Variants in MACC1 observed in about 807,000 individuals in gnomAD.
MACC1 encodes the protein metastasis-associated in colon cancer protein 1.
A neutral mutation model predicts 70.7 loss-of-function variants in MACC1; 79 were observed. The observed-to-expected ratio is 1.12, with a 90% CI of 0.93 to 1.35. MACC1 has a LOEUF of 1.35. MACC1 is among the 40% of genes most tolerant of loss of function. MACC1 has a pLI of 0.00. For synonymous variants in MACC1, 361 were observed against 347.2 expected (o/e 1.04, Z -0.44); for missense variants, 1,106 against 978.1 (o/e 1.13, Z -1.74).
Position 20,159,331 on chromosome 7 carries a change from T to A in MACC1, c.1030A>T (p.Met344Leu). 2.5e-6 allele frequency: 4 copies of A among 1,614,080 alleles called. No homozygotes were observed. Among genetic ancestry groups the A allele is most frequent in the Non-Finnish European group, 3.4e-6 (4 of 1,180,008 alleles). The change falls in exon 5 of 7, where the codon ATG (methionine) becomes TTG (leucine). Residue 344 changes from methionine to leucine, a missense_variant. Coordinates refer to ENST00000400331, the MANE Select transcript of MACC1 (RefSeq NM_182762.4). ...QVKLIDLSQV[M>L]YLVVAAQAKA... ...GCTTGTGCAGCAACCACTAGATACA[T>A]TACCTGACTCAAGTCGATTAGCTTG...
At chr7:20,209,264 G>T (rs1782960875) in intron 1 of MACC1, among the ~76,000 whole-genome samples, 1 of 152,194 alleles carries the variant, frequency 6.6e-6, no homozygotes, top group South Asian at 2.1e-4. Flanking sequence ...CTGACATTTT[G>T]TACCATATGC....
Position 20,137,857 on chromosome 7 carries a change from A to C in MACC1, c.*3089T>G, listed in dbSNP as rs1292362568. ...AACAGAATGTTTGGACATGGGCTTAAAATTCCTCTGGAAGGCTGGGAGCAG... is the reference window on the plus strand; with the variant it reads ...AACAGAATGTTTGGACATGGGCTTACAATTCCTCTGGAAGGCTGGGAGCAG... On this transcript the variant is annotated 3_prime_UTR_variant, in exon 7 of 7. Transcript: ENST00000400331. 1 of 152,162 alleles carries C rather than the reference A, an allele frequency of 6.6e-6. No individual in the cohort carries two copies. The highest frequency in any genetic ancestry group is 2.4e-5 in the African/African-American group (1 of 41,446). The allele number at this position is 152,162 out of a possible 1,614,324, so 9.4% of individuals were successfully genotyped here.
At chr7:20,178,868 G>C (rs1782455663) in intron 1 of MACC1, among the ~76,000 whole-genome samples, 4 of 152,222 alleles carry the variant, frequency 2.6e-5, no homozygotes, top group Non-Finnish European at 4.4e-5. Context: ...CCAAAGTGTT[G>C]GGATTACAGA....
intron 1 of MACC1, among the ~76,000 whole-genome samples, chr7:20,206,030 T>A (rs1227279858): frequency 6.6e-6 from 1 of 152,008 alleles, no homozygotes; most frequent in African/African-American, 2.4e-5. Context: ...TTGTTTCAGA[T>A]GAAAATATTA....
In MACC1 at chr7:20,139,980, C is replaced by T. The variant is rs549063151; in HGVS notation, c.*966G>A. 5 of 151,970 alleles carry T rather than the reference C, an allele frequency of 3.3e-5. No homozygotes were observed. Among genetic ancestry groups the T allele is most frequent in the Admixed American group, 6.5e-5 (1 of 15,270 alleles). The allele number at this position is 151,970 out of a possible 1,614,324, so 9.4% of individuals were successfully genotyped here. On this transcript the variant is annotated 3_prime_UTR_variant, in exon 7 of 7. Transcript: ENST00000400331. ...CTGGTGGTGGTGGTTTTTAATAACTCGTATTATTAAAAATCTCCAAGAGCT... is the reference window on the plus strand; with the variant it reads ...CTGGTGGTGGTGGTTTTTAATAACTTGTATTATTAAAAATCTCCAAGAGCT...
At chr7:20,211,740 G>A (rs775156584) in intron 1 of MACC1, among the ~76,000 whole-genome samples, 20 of 152,254 alleles carry the variant, frequency 1.3e-4, no homozygotes, top group Admixed American at 7.8e-4. Context: ...ACATGCCCAC[G>A]GTTCAGCAAA....
intron 6 of MACC1, chr7:20,141,928 T>TAC (rs61204565): frequency 0.1 from 15,156 of 145,682 alleles, 928 homozygotes; most frequent in Middle Eastern, 0.19. Context: ...AATTGTAGAA[T>TAC]ACACACACAC....
rs1163672621 is a variant in MACC1, at chr7:20,135,957, C to T, written c.*4989G>A. On this transcript the variant is annotated 3_prime_UTR_variant, in exon 7 of 7. Coordinates refer to ENST00000400331, the MANE Select transcript of MACC1 (RefSeq NM_182762.4). Reference sequence around the variant, plus strand: ...TGTGTGCTAAATGTGCTATGCCTTACACATAGAGGACACAATTTTAATGTG... The same window carrying T: ...TGTGTGCTAAATGTGCTATGCCTTATACATAGAGGACACAATTTTAATGTG... 2 of 152,188 alleles carry T rather than the reference C, an allele frequency of 1.3e-5. No homozygotes were observed. Among genetic ancestry groups the T allele is most frequent in the Non-Finnish European group, 2.9e-5 (2 of 68,030 alleles). 9.4% of individuals were successfully genotyped at this position (152,188 alleles called of 1,614,324 possible). A position where few individuals can be genotyped will look rare whatever the true frequency, so the allele number is the denominator to read the frequency against.
intron 1 of MACC1, among the ~76,000 whole-genome samples, chr7:20,208,563 G>A (rs3114474): frequency 0.48 from 72,735 of 151,934 alleles, 18,041 homozygotes; most frequent in East Asian, 0.87. Context: ...ATAATTTAGG[G>A]TATCTAGCAG....
intron 6 of MACC1, among the ~76,000 whole-genome samples, chr7:20,152,964 A>G (rs1433515959): frequency 6.6e-6 from 1 of 152,194 alleles, no homozygotes; most frequent in East Asian, 1.9e-4. Flanking sequence ...TTTCCTTCTT[A>G]AAGGCTTCCT....
In MACC1 at chr7:20,187,536, C is replaced by T. The variant is rs6951926; in HGVS notation, c.-217-16758G>A. 6.7e-3 allele frequency among the ~76,000 whole-genome samples: 1,025 copies of T among 152,270 alleles called. 10 individuals are homozygous for T. Among genetic ancestry groups the T allele is most frequent in the African/African-American group, 0.023 (976 of 41,540 alleles). The stretch of plus-strand genomic sequence containing the variant: ...CTCCAAGGACAGTCAGAGTGACCTT[C>T]GTGCATGCCCCTTTACTCCCTAAAC... On this transcript the variant is annotated intron_variant, in intron 1 of 6. Coordinates refer to ENST00000400331, the MANE Select transcript of MACC1 (RefSeq NM_182762.4).
At position 20,173,942 on chromosome 7, in the gene MACC1, G is replaced by A. The variant is rs139876463; in HGVS notation, c.-217-3164C>T. Among the ~76,000 whole-genome samples, 192 of 152,220 alleles carry A rather than the reference G, an allele frequency of 1.3e-3. 1 individual carries two copies. Among genetic ancestry groups the A allele is most frequent in the Non-Finnish European group, 2.3e-3 (155 of 68,012 alleles). On this transcript the variant is annotated intron_variant, in intron 1 of 6. Coordinates refer to ENST00000400331, the MANE Select transcript of MACC1 (RefSeq NM_182762.4). ...TAACGTGGACAACTGCTTCCTTTGG[G>A]TATATAGATTCAGATTTGATTCATA...
chr7:20,176,697 G>A (rs944048610), intron 1 of MACC1, among the ~76,000 whole-genome samples: 1 of 152,076 alleles, frequency 6.6e-6, no homozygotes, highest in Non-Finnish European at 1.5e-5. Flanking sequence ...GTGAGTAAAT[G>A]ATTTAAAGAA....
chr7:20,187,849 A>G (rs2128106675), intron 1 of MACC1, among the ~76,000 whole-genome samples: 1 of 152,220 alleles, frequency 6.6e-6, no homozygotes, highest in South Asian at 2.1e-4. Flanking sequence ...CTTGCTTCAT[A>G]TTTTAGTTAA....
At chr7:20,181,617 A>T (rs1349695432) in intron 1 of MACC1, among the ~76,000 whole-genome samples, 2 of 152,178 alleles carry the variant, frequency 1.3e-5, no homozygotes, top group African/African-American at 4.8e-5. Flanking sequence ...ACCTAGAAAT[A>T]GATGAAAATT....
intron 2 of MACC1, among the ~76,000 whole-genome samples, chr7:20,166,474 G>C (rs1297943845): frequency 1.3e-5 from 2 of 152,156 alleles, no homozygotes; most frequent in African/African-American, 2.4e-5. Context: ...ACTTCTGATG[G>C]AATAGTGGCA....
At chr7:20,157,766 CAAAAAAAAAAAAA>C (rs370288319) in intron 5 of MACC1, among the ~76,000 whole-genome samples, 7 of 53,916 alleles carry the variant, frequency 1.3e-4, no homozygotes, top group Admixed American at 7.9e-4. Flanking sequence ...GACTTTGTCT[CAAAAAAAAAAAAA>C]AAAAAAAAAG....
intron 1 of MACC1, among the ~76,000 whole-genome samples, chr7:20,203,064 T>C (rs1053270985): frequency 6.6e-6 from 1 of 152,154 alleles, no homozygotes; most frequent in East Asian, 1.9e-4. Context: ...TTGGGGGAAA[T>C]TTTTTCTAAT....
At chr7:20,205,005 T>C (rs1191498599) in intron 1 of MACC1, among the ~76,000 whole-genome samples, 1 of 152,226 alleles carries the variant, frequency 6.6e-6, no homozygotes, top group Admixed American at 6.5e-5. Context: ...TTAGATACCA[T>C]GGTTATCAAT....
Sources: allele counts gnomAD v4.1 joint callset (sites outside exome capture counted in the v4.1 genomes callset), GRCh38; gene constraint gnomAD v4.1.1; transcripts MANE v1.5; gene names NCBI Gene and HGNC (gene_info 2026-07-23, HGNC 2026-07-21).